ZNF763: variants seen among roughly 807,000 people sequenced by gnomAD.
ZNF763 encodes zinc finger protein 763, also known as DNA-binding protein.
ZNF763 carries 33 observed loss-of-function variants against 38.0 expected under a neutral mutation model. The ratio of observed to expected loss-of-function variants is 0.87; its 90% CI spans 0.66 to 1.16. The LOEUF (loss-of-function observed/expected upper bound fraction) is 1.16. Among genes scored for constraint, ZNF763 ranks in the 50% most tolerant of loss-of-function variants. ZNF763 has a pLI of 0.00. For synonymous variants in ZNF763, 155 were observed against 160.1 expected (o/e 0.97, Z 0.24); for missense variants, 423 against 469.1 (o/e 0.90, Z 0.91).
chr19:11,978,729 A>G lies in ZNF763; in HGVS notation c.805A>G (p.Ser269Gly), dbSNP rs1240997558. 6.2e-7 allele frequency: 1 copy of G among 1,613,980 alleles called. No homozygotes were observed. The highest frequency in any genetic ancestry group is 8.5e-7 in the Non-Finnish European group (1 of 1,179,980). Residue 269 changes from serine to glycine, a missense_variant, in exon 4 of 4, where the codon AGT becomes GGT. By Grantham distance (56) the Ser-to-Gly change is moderately conservative (BLOSUM62 0). Transcript: ENST00000358987. Reference protein sequence around the residue: ...QQCGKAFHSSSSFQAHKRTHT... With the variant: ...QQCGKAFHSSGSFQAHKRTHT... ...ATGTGGGAAAGCATTCCATAGTTCC[A>G]GTTCTTTTCAAGCACATAAAAGAAC...
At chr19:11,970,949 C>A (rs1437183244) in intron 1 of ZNF763, among the ~76,000 whole-genome samples, 1 of 151,828 alleles carries the variant, frequency 6.6e-6, no homozygotes, top group Non-Finnish European at 1.5e-5. Context: ...AAAAAAAAAA[C>A]TAAAAAACTA....
chr19:11,975,025 C>G (rs2145338816), intron 1 of ZNF763, among the ~76,000 whole-genome samples: 1 of 152,056 alleles, frequency 6.6e-6, no homozygotes, highest in South Asian at 2.1e-4. Flanking sequence ...AAGATGAATT[C>G]TATTGTGTTC....
In ZNF763 at chr19:11,965,065, G is replaced by A; in HGVS notation, c.-144G>A. 9.6e-7 allele frequency: 1 copy of A among 1,043,064 alleles called. No individual in the cohort carries two copies. The highest frequency in any genetic ancestry group is 1.5e-6 in the Non-Finnish European group (1 of 686,840). 64.6% of individuals were successfully genotyped at this position (1,043,064 alleles called of 1,614,324 possible). The stretch of plus-strand genomic sequence containing the variant: ...CTGTCCTCACCTTTGTCCTTGCGCA[G>A]CCGGTGGTTGATATCCGCTGTATCC... On this transcript the variant is annotated 5_prime_UTR_variant, in exon 1 of 4. Coordinates refer to ENST00000358987, the MANE Select transcript of ZNF763 (RefSeq NM_001367172.2).
chr19:11,970,961 A>C lies in ZNF763; in HGVS notation c.3+5750A>C, dbSNP rs1973338613. Among the ~76,000 whole-genome samples the C allele has an allele frequency of 2.6e-5, 4 of 152,150 alleles. No individual in the cohort carries two copies. The South Asian group carries it at 8.3e-4, about 32-fold the overall frequency. On this transcript the variant is annotated intron_variant, in intron 1 of 3. Coordinates refer to ENST00000358987, the MANE Select transcript of ZNF763 (RefSeq NM_001367172.2). ...AATAAAAAAAAAACTAAAAAACTAG[A>C]TGCCCTGGTCTCACAATTTGCTGTT...
chr19:11,976,787 A>T (rs1973501116), intron 1 of ZNF763: 8 of 1,057,308 alleles, frequency 7.6e-6, no homozygotes, highest in Middle Eastern at 6.9e-4. Flanking sequence ...AATCGCTTGA[A>T]CCCCGGTCAT....
intron 1 of ZNF763, among the ~76,000 whole-genome samples, chr19:11,969,988 T>C (rs962616916): frequency 1.3e-5 from 2 of 152,212 alleles, no homozygotes; most frequent in Admixed American, 1.3e-4. Flanking sequence ...CCATGTCTCC[T>C]GGAGGGTCTC....
In ZNF763 at chr19:11,968,203, G is replaced by A. The variant is rs147662182; in HGVS notation, c.3+2992G>A. On this transcript the variant is annotated intron_variant, in intron 1 of 3. Coordinates refer to ENST00000358987, the MANE Select transcript of ZNF763 (RefSeq NM_001367172.2). ...TTATATAGGCAAAAGGCAAATAAATGTAACAGGATTACATTTTCCATAGAA... is the reference window on the plus strand; with the variant it reads ...TTATATAGGCAAAAGGCAAATAAATATAACAGGATTACATTTTCCATAGAA... Among the ~76,000 whole-genome samples, 779 of 152,178 alleles carry A rather than the reference G, an allele frequency of 5.1e-3. 3 individuals carry two copies. The highest frequency in any genetic ancestry group is 0.02 in the Middle Eastern group (6 of 294).
chr19:11,972,283 C>T (rs1973368987), intron 1 of ZNF763, among the ~76,000 whole-genome samples: 1 of 150,842 alleles, frequency 6.6e-6, no homozygotes, highest in Admixed American at 6.6e-5. Flanking sequence ...AGCCTGAGAC[C>T]CTGTTTCAGA....
Position 11,980,098 on chromosome 19 carries a change from T to C in ZNF763, c.*989T>C. Reference sequence around the variant, plus strand: ...AGCAATGTGGAAAAACCTTCAGATCTACCTCACACCTTCGAAAACATGGTA... The same window carrying C: ...AGCAATGTGGAAAAACCTTCAGATCCACCTCACACCTTCGAAAACATGGTA... On this transcript the variant is annotated 3_prime_UTR_variant, in exon 4 of 4. Transcript: ENST00000358987. 1 of 971,540 alleles carries C rather than the reference T, an allele frequency of 1.0e-6. No homozygotes were observed. Among genetic ancestry groups the C allele is most frequent in the Non-Finnish European group, 1.6e-6 (1 of 636,496 alleles). 60.2% of individuals were successfully genotyped at this position (971,540 alleles called of 1,614,324 possible). A position where few individuals can be genotyped will look rare whatever the true frequency, so the allele number is the denominator to read the frequency against.
Position 11,977,429 on chromosome 19 carries a change from C to T in ZNF763, c.189C>T (p.Phe63=). The T allele has an allele frequency of 6.2e-7, 1 of 1,613,902 alleles. No homozygotes were observed. ...EYEYQNPRRN[F]RSLIEGNVNE... ...AGTACCAAAACCCCAGGAGAAACTT[C>T]AGGTAATTGGCACTTAAAGAGAAAG... Residue 63 remains phenylalanine, a splice_region_variant and synonymous_variant, in exon 3 of 4, where the codon TTC becomes TTT. Transcript: ENST00000358987.
intron 2 of ZNF763, 29 bp from the exon 3 acceptor site, chr19:11,977,342 A>G: frequency 1.9e-6 from 3 of 1,612,768 alleles, no homozygotes; most frequent in Non-Finnish European, 8.5e-7. Flanking sequence ...ATATTGCTTC[A>G]GGACTACTTT....
At chr19:11,968,256 AT>A (rs112456346) in intron 1 of ZNF763, among the ~76,000 whole-genome samples, 7,410 of 149,446 alleles carry the variant, frequency 0.05, 372 homozygotes, top group African/African-American at 0.13. Context: ...CAATAATTTA[AT>A]TTTTTTTTTT....
chr19:11,970,246 C>A (rs947673105), intron 1 of ZNF763, among the ~76,000 whole-genome samples: 3 of 152,238 alleles, frequency 2.0e-5, no homozygotes, highest in Non-Finnish European at 2.9e-5. Context: ...AGAGAAATAT[C>A]CCAAAAGACA....
chr19:11,968,577 C>T (rs187163118), intron 1 of ZNF763, among the ~76,000 whole-genome samples: 1 of 152,122 alleles, frequency 6.6e-6, no homozygotes, highest in African/African-American at 2.4e-5. Flanking sequence ...TTTTTTCCCC[C>T]AGAGCTTGTT....
At chr19:11,975,788 T>G (rs1444731270) in intron 1 of ZNF763, among the ~76,000 whole-genome samples, 1 of 152,138 alleles carries the variant, frequency 6.6e-6, no homozygotes, top group African/African-American at 2.4e-5. Context: ...GTGGCTGCAC[T>G]GCTCATTACT....
intron 1 of ZNF763, among the ~76,000 whole-genome samples, chr19:11,970,782 T>G (rs1219050122): frequency 6.6e-6 from 1 of 152,126 alleles, no homozygotes; most frequent in Non-Finnish European, 1.5e-5. Flanking sequence ...AAATACAGCA[T>G]TAGCTGAGCA....
intron 1 of ZNF763, among the ~76,000 whole-genome samples, chr19:11,968,836 T>C (rs910540368): frequency 6.6e-6 from 1 of 152,034 alleles, no homozygotes; most frequent in African/African-American, 2.4e-5. Context: ...CCTGGCAACA[T>C]AGTGAGACCC....
At position 11,978,670 on chromosome 19, in the gene ZNF763, C is replaced by T; in HGVS notation, c.746C>T (p.Thr249Ile). 6.2e-7 allele frequency: 1 copy of T among 1,614,078 alleles called. No individual in the cohort carries two copies. Among genetic ancestry groups the T allele is most frequent in the Non-Finnish European group, 8.5e-7 (1 of 1,180,010 alleles). ...GCTACCCATCGAATACATGAAAGAA[C>T]TCACACTGGAGAAAAGCCTTATGAA... ...YSATHRIHER[T>I]HTGEKPYECQ... Residue 249 changes from threonine to isoleucine, a missense_variant, in exon 4 of 4, where the codon ACT (threonine) becomes ATT (isoleucine). Physicochemically the swap from Thr to Ile is moderately conservative, Grantham distance 89 (BLOSUM62 -1). Transcript: ENST00000358987.
chr19:11,967,286 G>A (rs1362913073), intron 1 of ZNF763, among the ~76,000 whole-genome samples: 2 of 151,980 alleles, frequency 1.3e-5, no homozygotes, highest in Non-Finnish European at 2.9e-5. Context: ...CAGCCCAGCC[G>A]AGGACTCGCC....
Sources: allele counts gnomAD v4.1 joint callset (sites outside exome capture counted in the v4.1 genomes callset), GRCh38; gene constraint gnomAD v4.1.1; transcripts MANE v1.5; gene names NCBI Gene and HGNC (gene_info 2026-07-23, HGNC 2026-07-21).